The following ACTN2 variants were observed in gnomAD, a reference collection of about 807,000 sequenced individuals.
The protein encoded by ACTN2 is alpha-actinin-2.
In ACTN2, 39 loss-of-function variants were observed where a neutral mutation model predicts 113.8. That is an observed-to-expected ratio of 0.34 (90% CI 0.27 to 0.45). The LOEUF (loss-of-function observed/expected upper bound fraction) is 0.45, where lower values mean the gene tolerates loss of function less well. ACTN2 is among the 20% of genes least tolerant of loss of function. ACTN2 has a pLI of 1.00. For missense variants in ACTN2, 992 were observed against 1,177.9 expected (o/e 0.84, Z 2.31); for synonymous variants, 429 against 444.1 (o/e 0.97, Z 0.43).
chr1:236,755,675 T>C (rs555154475), intron 17 of ACTN2, among the ~76,000 whole-genome samples: 1 of 142,964 alleles, frequency 7.0e-6, no homozygotes, highest in South Asian at 2.3e-4. Flanking sequence ...ACCCTGGTAA[T>C]AGAGTATATA....
rs180804353 is a variant in ACTN2, at chr1:236,764,215, A to G, written c.*1596A>G. On this transcript the variant is annotated 3_prime_UTR_variant, in exon 21 of 21. Coordinates refer to ENST00000366578, the MANE Select transcript of ACTN2 (RefSeq NM_001103.4). Reference sequence around the variant, plus strand: ...TTTGCTTCATTATTAAGTAATTGGTAGTTTCCAGATTCCTGAAATATTTGA... The same window carrying G: ...TTTGCTTCATTATTAAGTAATTGGTGGTTTCCAGATTCCTGAAATATTTGA... 6.6e-6 allele frequency: 1 copy of G among 152,328 alleles called. No homozygotes were observed. Among genetic ancestry groups the G allele is most frequent in the Admixed American group, 6.5e-5 (1 of 15,302 alleles). The allele number at this position is 152,328 out of a possible 1,614,324, so 9.4% of individuals were successfully genotyped here.
At chr1:236,719,034 T>G (rs377715235) in intron 3 of ACTN2, 21 bp downstream of exon 3, 127 of 1,613,240 alleles carry the variant, frequency 7.9e-5, no homozygotes, top group Non-Finnish European at 1.0e-4. Context: ...TGGTGGGTGG[T>G]CCTGTCTGCC....
intron 19 of ACTN2, 110 bp from the exon 20 acceptor site, chr1:236,760,905 T>C: frequency 7.2e-7 from 1 of 1,386,334 alleles, no homozygotes; most frequent in African/African-American, 1.4e-5. Context: ...AGGTAATAAT[T>C]CAGTTTTCAG....
chr1:236,737,972 C>A (rs1658942281), intron 9 of ACTN2, among the ~76,000 whole-genome samples: 2 of 152,180 alleles, frequency 1.3e-5, no homozygotes, highest in African/African-American at 4.8e-5. Context: ...TACTTCAGAC[C>A]AAATAATTTT....
At chr1:236,716,834 C>CCTTT (rs1289656929) in intron 1 of ACTN2, among the ~76,000 whole-genome samples, 5 of 26,550 alleles carry the variant, frequency 1.9e-4, no homozygotes, top group Admixed American at 6.7e-4. Flanking sequence ...ACATTTTGAA[C>CCTTT]ATTTTTTTTT....
intron 10 of ACTN2, among the ~76,000 whole-genome samples, chr1:236,742,401 A>G (rs1297135687): frequency 1.3e-5 from 2 of 152,096 alleles, no homozygotes; most frequent in East Asian, 3.9e-4. Flanking sequence ...CACCCCAGTC[A>G]CTGAATAAGA....
intron 15 of ACTN2, among the ~76,000 whole-genome samples, chr1:236,752,839 C>T (rs1056926566): frequency 1.3e-5 from 2 of 152,118 alleles, no homozygotes; most frequent in African/African-American, 2.4e-5. Flanking sequence ...AGGTGTGAGC[C>T]GTCACGCCTG....
intron 4 of ACTN2, among the ~76,000 whole-genome samples, chr1:236,725,549 C>A (rs940317678): frequency 8.5e-5 from 13 of 152,090 alleles, no homozygotes; most frequent in Non-Finnish European, 1.3e-4. Flanking sequence ...ATCTTTTGAA[C>A]CCGGGAGGCA....
At chr1:236,715,479 G>T (rs1195872449) in intron 1 of ACTN2, among the ~76,000 whole-genome samples, 1 of 152,014 alleles carries the variant, frequency 6.6e-6, no homozygotes, top group South Asian at 2.1e-4. Flanking sequence ...AGAATTTTCT[G>T]TGATGATAGG....
At chr1:236,687,825 A>G (rs1242668663) in intron 1 of ACTN2, among the ~76,000 whole-genome samples, 1 of 152,264 alleles carries the variant, frequency 6.6e-6, no homozygotes, top group Non-Finnish European at 1.5e-5. Flanking sequence ...CTCTCGCAGC[A>G]AACAGCGTTA....
At chr1:236,753,849 A>ACCCCCC in intron 15 of ACTN2, 98 bp from the exon 16 acceptor site, 14 of 1,103,210 alleles carry the variant, frequency 1.3e-5, no homozygotes, top group East Asian at 8.1e-5. Context: ...CTCCTTCTCC[A>ACCCCCC]CTCCCACCCC....
intron 1 of ACTN2, among the ~76,000 whole-genome samples, chr1:236,692,227 A>G (rs558227266): frequency 6.6e-6 from 1 of 152,248 alleles, no homozygotes; most frequent in Non-Finnish European, 1.5e-5. Context: ...CGAAGTATTA[A>G]ATAACCACAT....
chr1:236,758,950 G>C (rs752524877), intron 18 of ACTN2, among the ~76,000 whole-genome samples: 8 of 152,286 alleles, frequency 5.3e-5, no homozygotes, highest in South Asian at 4.1e-4. Flanking sequence ...TCACTAAAAG[G>C]GATGTACCAT....
chr1:236,712,060 T>A (rs1334773857), intron 1 of ACTN2, among the ~76,000 whole-genome samples: 1 of 152,236 alleles, frequency 6.6e-6, no homozygotes, highest in Non-Finnish European at 1.5e-5. Context: ...ATTTCCACTT[T>A]AGTTCTCTAA....
At chr1:236,734,458 T>C (rs1349959214) in intron 7 of ACTN2, 2 of 1,535,882 alleles carry the variant, frequency 1.3e-6, no homozygotes, top group Non-Finnish European at 1.7e-6. Context: ...CCAGACCCGA[T>C]GAAAGAGCCA....
rs763184766 is a variant in ACTN2 at position 236,755,144 on chromosome 1, G to A, written c.2100G>A (p.Gln700=). The change falls in exon 17 of 21, where the codon CAG becomes CAA. Residue 700 remains glutamine, a synonymous_variant. Coordinates refer to ENST00000366578, the MANE Select transcript of ACTN2 (RefSeq NM_001103.4). ...TCGACAAGCTGGAGGGAGACCATCAGCTCATCCAGGAGGCCCTTGTCTTTG... is the reference window on the plus strand; with the variant it reads ...TCGACAAGCTGGAGGGAGACCATCAACTCATCCAGGAGGCCCTTGTCTTTG... ...NNIDKLEGDH[Q]LIQEALVFDN... The A allele has an allele frequency of 1.2e-6, 2 of 1,614,088 alleles. No homozygotes were observed. The highest frequency in any genetic ancestry group is 2.7e-5 in the African/African-American group (2 of 74,922).
intron 17 of ACTN2, among the ~76,000 whole-genome samples, chr1:236,757,168 C>T (rs529158046): frequency 1.7e-4 from 5 of 29,150 alleles, no homozygotes; most frequent in African/African-American, 4.3e-4. Context: ...ACAGAGTGCC[C>T]GCTGCCACTG....
intron 1 of ACTN2, among the ~76,000 whole-genome samples, chr1:236,696,563 G>A (rs1299170571): frequency 6.6e-6 from 1 of 152,004 alleles, no homozygotes; most frequent in African/African-American, 2.4e-5. Context: ...TAATTTATAT[G>A]TAAGATAGAA....
chr1:236,728,155 T>TG (rs1658609146), intron 6 of ACTN2, among the ~76,000 whole-genome samples: 1 of 151,138 alleles, frequency 6.6e-6, no homozygotes, highest in Admixed American at 6.6e-5. Flanking sequence ...TTTTTTTTTT[T>TG]TTTTTTGAGA....
Sources: gnomAD v4.1 joint callset for allele counts (sites outside exome capture counted in the v4.1 genomes callset) on GRCh38, gnomAD v4.1.1 for gene constraint, MANE v1.5 for transcripts, NCBI Gene and HGNC (gene_info 2026-07-23, HGNC 2026-07-21) for gene names.